Variants in BMAL2 observed in about 807,000 individuals in gnomAD.
BMAL2 encodes the protein basic helix-loop-helix ARNT-like protein 2.
At chr12:27,412,161 A>G in the BMAL2 span, among the ~76,000 whole-genome samples, 3 of 152,190 alleles carry the variant, frequency 2.0e-5, no homozygotes, top group Non-Finnish European at 4.4e-5. Context: ...ATTTGACCAT[A>G]TATACTGCAA....
the BMAL2 span, among the ~76,000 whole-genome samples, chr12:27,383,537 C>A: frequency 6.6e-6 from 1 of 152,168 alleles, no homozygotes; most frequent in East Asian, 1.9e-4. Context: ...TCGAGCACAT[C>A]CCCACTCACT....
At chr12:27,401,856 A>G in the BMAL2 span, among the ~76,000 whole-genome samples, 82 of 152,314 alleles carry the variant, frequency 5.4e-4, no homozygotes, top group African/African-American at 1.9e-3. Flanking sequence ...AATTAAGCTA[A>G]AAGTTTTCAT....
At chr12:27,410,489 G>A in the BMAL2 span, among the ~76,000 whole-genome samples, 1 of 152,054 alleles carries the variant, frequency 6.6e-6, no homozygotes, top group African/African-American at 2.4e-5. Context: ...GCAAACTATG[G>A]CAAGGACAAA....
chr12:27,417,588 G>A, the BMAL2 span, among the ~76,000 whole-genome samples: 4 of 152,192 alleles, frequency 2.6e-5, no homozygotes, highest in Non-Finnish European at 5.9e-5. Flanking sequence ...GAAATGAGAT[G>A]AGATGATGCA....
the BMAL2 span, among the ~76,000 whole-genome samples, chr12:27,391,294 T>C: frequency 1.3e-5 from 2 of 152,210 alleles, no homozygotes; most frequent in Non-Finnish European, 2.9e-5. Context: ...CATGTGGTAT[T>C]TGGTTTTCTG....
the BMAL2 span, among the ~76,000 whole-genome samples, chr12:27,385,998 C>T: frequency 1.3e-5 from 2 of 152,184 alleles, no homozygotes; most frequent in Admixed American, 6.5e-5. Context: ...TCAGATTCAC[C>T]GGTCTAGAGG....
the BMAL2 span, among the ~76,000 whole-genome samples, chr12:27,360,051 T>TA: frequency 0.44 from 50,556 of 114,880 alleles, 11,402 homozygotes; most frequent in Middle Eastern, 0.53. Flanking sequence ...AGACCCTATT[T>TA]AAAAAAAAAA....
the BMAL2 span, among the ~76,000 whole-genome samples, chr12:27,419,931 C>G: frequency 2.6e-5 from 4 of 151,746 alleles, no homozygotes; most frequent in Non-Finnish European, 5.9e-5. Flanking sequence ...TTAGAAGATG[C>G]TTCTGTCTCA....
At chr12:27,415,540 A>C in the BMAL2 span, among the ~76,000 whole-genome samples, 1 of 152,144 alleles carries the variant, frequency 6.6e-6, no homozygotes, top group African/African-American at 2.4e-5. Context: ...TGGTATCTTG[A>C]GGAGGAGCTG....
the BMAL2 span, chr12:27,422,192 G>A: frequency 3.3e-5 from 5 of 152,106 alleles, no homozygotes; most frequent in African/African-American, 1.2e-4. Flanking sequence ...AGCTTGCCAA[G>A]TATGCTCCCA....
chr12:27,339,248 A>G, the BMAL2 span, among the ~76,000 whole-genome samples: 1 of 152,194 alleles, frequency 6.6e-6, no homozygotes, highest in African/African-American at 2.4e-5. Context: ...TGCTAAGGAT[A>G]ATGGCCTCCA....
chr12:27,423,041 C>T, the BMAL2 span: 10 of 152,252 alleles, frequency 6.6e-5, no homozygotes, highest in East Asian at 1.2e-3. Flanking sequence ...TTTATTAGTT[C>T]GCTCTAATAT....
At chr12:27,380,822 A>C in the BMAL2 span, among the ~76,000 whole-genome samples, 115 of 151,638 alleles carry the variant, frequency 7.6e-4, no homozygotes, top group African/African-American at 2.6e-3. Flanking sequence ...AAGCCTGGGC[A>C]AAAAAATGCA....
chr12:27,340,462 A>AT, the BMAL2 span, among the ~76,000 whole-genome samples: 1 of 151,982 alleles, frequency 6.6e-6, no homozygotes, highest in South Asian at 2.1e-4. Flanking sequence ...CCAATAGTCT[A>AT]TATGTCTGTT....
chr12:27,381,970 G>A, the BMAL2 span, among the ~76,000 whole-genome samples: 18 of 152,162 alleles, frequency 1.2e-4, no homozygotes, highest in African/African-American at 3.4e-4. Context: ...ATATTTCAGG[G>A]TAATGGAAAT....
chr12:27,344,628 A>G, the BMAL2 span, among the ~76,000 whole-genome samples: 126 of 152,326 alleles, frequency 8.3e-4, 1 homozygote, highest in Non-Finnish European at 2.5e-4. Context: ...TGATTAAATC[A>G]GGCCTACCCA....
At chr12:27,403,902 C>A in the BMAL2 span, among the ~76,000 whole-genome samples, 1 of 151,960 alleles carries the variant, frequency 6.6e-6, no homozygotes, top group Admixed American at 6.5e-5. Context: ...GTGGGTCATG[C>A]CTGTAATCCT....
At chr12:27,403,538 A>G in the BMAL2 span, 2 of 1,569,712 alleles carry the variant, frequency 1.3e-6, no homozygotes, top group East Asian at 4.5e-5. Context: ...CTGGATTTAC[A>G]GAGGTAATGT....
At chr12:27,351,815 A>T in the BMAL2 span, among the ~76,000 whole-genome samples, 1 of 152,216 alleles carries the variant, frequency 6.6e-6, no homozygotes, top group African/African-American at 2.4e-5. Flanking sequence ...GGGAACGGCG[A>T]GTAACAATCT....
Sources: gnomAD v4.1 joint callset for allele counts (sites outside exome capture counted in the v4.1 genomes callset) on GRCh38, gnomAD v4.1.1 for gene constraint, MANE v1.5 for transcripts, NCBI Gene and HGNC (gene_info 2026-07-23, HGNC 2026-07-21) for gene names.